MLIP: variants seen among roughly 807,000 people sequenced by gnomAD.
MLIP encodes muscular LMNA-interacting protein.
A neutral mutation model predicts 84.8 loss-of-function variants in MLIP; 79 were observed. The ratio of observed to expected loss-of-function variants is 0.93; its 90% CI spans 0.78 to 1.12. The LOEUF (loss-of-function observed/expected upper bound fraction) is 1.12. Among genes scored for constraint, MLIP ranks in the 50% most tolerant of loss-of-function variants. MLIP has a pLI of 0.00. For synonymous variants in MLIP, 504 were observed against 463.0 expected, an observed-to-expected ratio of 1.09 and a Z score of -1.14; for missense variants, 1,257 against 1,160.6, an observed-to-expected ratio of 1.08 and a Z score of -1.21.
chr6:54,086,486 A>G (rs1003914502), intron 1 of MLIP, among the ~76,000 whole-genome samples: 2 of 152,224 alleles, frequency 1.3e-5, no homozygotes, highest in African/African-American at 4.8e-5. Flanking sequence ...AGGGGAATAT[A>G]GCATAAAGAA....
chr6:54,021,667 G>T (rs1167251899), intron 1 of MLIP, among the ~76,000 whole-genome samples: 1 of 152,158 alleles, frequency 6.6e-6, no homozygotes, highest in Non-Finnish European at 1.5e-5. Context: ...TTTGCCCTGA[G>T]TTTATTGCTG....
chr6:54,183,279 G>T (rs1777067801), intron 9 of MLIP, among the ~76,000 whole-genome samples: 1 of 152,140 alleles, frequency 6.6e-6, no homozygotes, highest in African/African-American at 2.4e-5. Context: ...GTAGGATGAT[G>T]CCAGAGATTT....
At chr6:54,242,342 G>A (rs528331237) in intron 12 of MLIP, among the ~76,000 whole-genome samples, 8 of 152,220 alleles carry the variant, frequency 5.3e-5, no homozygotes, top group East Asian at 3.9e-4. Flanking sequence ...AATTTAGTAC[G>A]TGTGTAACGT....
At chr6:54,130,948 G>C (rs936201114) in intron 3 of MLIP, among the ~76,000 whole-genome samples, 4 of 152,134 alleles carry the variant, frequency 2.6e-5, no homozygotes, top group African/African-American at 9.7e-5. Context: ...AAAGGAGTGA[G>C]AGATTAGAAG....
At chr6:54,148,907 A>G in intron 4 of MLIP, 149 bp from the exon 5 acceptor site, 1 of 585,584 alleles carries the variant, frequency 1.7e-6, no homozygotes, top group Non-Finnish European at 3.0e-6. Context: ...TGGTAAGCTA[A>G]TTGTTTCTGT....
At position 54,202,843 on chromosome 6, in the gene MLIP, A is replaced by G. The variant is rs896252375; in HGVS notation, c.2718+610A>G. ...AGCCCAGGCGGTTGAGGCTCCAGTGAGCAAGTAATCATGCCACTGCACTCC... is the reference window on the plus strand; with the variant it reads ...AGCCCAGGCGGTTGAGGCTCCAGTGGGCAAGTAATCATGCCACTGCACTCC... On this transcript the variant is annotated intron_variant, in intron 11 of 13. Transcript: ENST00000502396. Among the ~76,000 whole-genome samples, 3 of 152,324 alleles carry G rather than the reference A, an allele frequency of 2.0e-5. No individual in the cohort carries two copies. In the South Asian group the frequency reaches 6.2e-4, roughly 32 times the overall value.
chr6:54,022,208 C>T (rs1248455667), intron 1 of MLIP, among the ~76,000 whole-genome samples: 3 of 152,174 alleles, frequency 2.0e-5, no homozygotes, highest in Non-Finnish European at 4.4e-5. Flanking sequence ...GCAGGAAATG[C>T]ACTATACAAC....
intron 11 of MLIP, among the ~76,000 whole-genome samples, chr6:54,206,836 A>G (rs995381336): frequency 1.3e-5 from 2 of 152,238 alleles, no homozygotes; most frequent in Non-Finnish European, 2.9e-5. Flanking sequence ...GGTGAAACTG[A>G]CAATACTGCC....
chr6:54,257,585 T>A (rs1436262776), intron 13 of MLIP, among the ~76,000 whole-genome samples: 1 of 152,132 alleles, frequency 6.6e-6, no homozygotes, highest in Non-Finnish European at 1.5e-5. Flanking sequence ...CCGTGTCTGA[T>A]ACCTGGACCA....
At chr6:54,049,084 A>C (rs1765232987) in intron 1 of MLIP, among the ~76,000 whole-genome samples, 1 of 152,148 alleles carries the variant, frequency 6.6e-6, no homozygotes, top group African/African-American at 2.4e-5. Context: ...TAAGACATTA[A>C]TGTCTTAAAT....
intron 1 of MLIP, among the ~76,000 whole-genome samples, chr6:54,040,356 A>G (rs1764673649): frequency 1.3e-5 from 2 of 151,986 alleles, no homozygotes. Flanking sequence ...TTGAGGTAAG[A>G]GAGTAAATGG....
At chr6:54,215,548 A>C in intron 11 of MLIP, 1 of 277,486 alleles carries the variant, frequency 3.6e-6, no homozygotes, top group Non-Finnish European at 5.9e-6. Flanking sequence ...ACATTGTATA[A>C]TGATTACCAC....
intron 9 of MLIP, among the ~76,000 whole-genome samples, chr6:54,189,582 T>C (rs1476464731): frequency 7.2e-5 from 11 of 152,162 alleles, no homozygotes; most frequent in Admixed American, 7.2e-4. Flanking sequence ...TTTGATGTCA[T>C]GATATAATGC....
intron 1 of MLIP, among the ~76,000 whole-genome samples, chr6:54,118,422 T>TG (rs35569993): frequency 6.6e-6 from 1 of 152,144 alleles, no homozygotes; most frequent in Non-Finnish European, 1.5e-5. Context: ...GAACACACAA[T>TG]GGGGAAAAGT....
At chr6:54,216,707 T>C (rs1779878374) in intron 11 of MLIP, 2 of 985,276 alleles carry the variant, frequency 2.0e-6, no homozygotes, top group Admixed American at 6.2e-5. Context: ...TCAAAATATA[T>C]GTGTTGCTTT....
intron 11 of MLIP, among the ~76,000 whole-genome samples, chr6:54,208,846 G>GCCTC (rs984590598): frequency 1.3e-4 from 20 of 152,016 alleles, no homozygotes; most frequent in African/African-American, 4.6e-4. Flanking sequence ...CAAATACACT[G>GCCTC]CCTCCCTCCC....
intron 11 of MLIP, among the ~76,000 whole-genome samples, chr6:54,224,074 C>T (rs1452517697): frequency 3.9e-5 from 6 of 151,976 alleles, no homozygotes; most frequent in African/African-American, 1.4e-4. Flanking sequence ...AATCCTTATT[C>T]TTTGCATAAG....
chr6:54,173,001 G>A (rs1317847104), intron 9 of MLIP, among the ~76,000 whole-genome samples: 1 of 151,706 alleles, frequency 6.6e-6, no homozygotes, highest in Non-Finnish European at 1.5e-5. Context: ...GTCACTAGCA[G>A]GGTTGGTTAA....
At chr6:54,170,457 T>C (rs1432285494) in intron 9 of MLIP, among the ~76,000 whole-genome samples, 2 of 151,608 alleles carry the variant, frequency 1.3e-5, no homozygotes, top group Non-Finnish European at 3.0e-5. Flanking sequence ...CAGAAAATTA[T>C]GTTTAGAGGA....
Sources: gnomAD v4.1 joint callset for allele counts (sites outside exome capture counted in the v4.1 genomes callset) on GRCh38, gnomAD v4.1.1 for gene constraint, MANE v1.5 for transcripts, NCBI Gene and HGNC (gene_info 2026-07-23, HGNC 2026-07-21) for gene names.